NPAS3: variants seen among roughly 807,000 people sequenced by gnomAD.
The protein encoded by NPAS3 is neuronal PAS domain-containing protein 3.
Under a neutral mutation model 73.1 loss-of-function variants are expected in NPAS3, and 14 were observed. The observed-to-expected ratio is 0.19, with a 90% CI of 0.13 to 0.30. NPAS3 has a LOEUF of 0.30. Among genes scored for constraint, NPAS3 ranks in the 10% least tolerant of loss-of-function variants. The probability of loss-of-function intolerance (pLI) is 1.00; values close to 1 mark genes in which losing one functional copy is unlikely to be tolerated. For missense variants in NPAS3, 1,096 were observed against 1,250.0 expected (o/e 0.88, Z 1.86); for synonymous variants, 620 against 541.5 (o/e 1.14, Z -2.01).
intron 1 of NPAS3, among the ~76,000 whole-genome samples, chr14:33,023,572 T>C (rs2039683346): frequency 2.0e-5 from 3 of 152,364 alleles, no homozygotes; most frequent in Middle Eastern, 3.4e-3. Flanking sequence ...ATTGATTCTG[T>C]AGTTTTATAA....
intron 7 of NPAS3, among the ~76,000 whole-genome samples, chr14:33,739,600 A>G (rs1476706217): frequency 6.6e-6 from 1 of 152,214 alleles, no homozygotes; most frequent in Non-Finnish European, 1.5e-5. Context: ...TCTGTGGAAT[A>G]AGGTGCACAT....
In NPAS3 at chr14:33,552,827, C is replaced by T. The variant is rs1290606935; in HGVS notation, c.469-7294C>T. ...TACTTCTGCCAAGGTGGGAATTCCT[C>T]CTCTACCTTGAAAAAGAACTCTGAA... On this transcript the variant is annotated intron_variant, in intron 4 of 11. Transcript: ENST00000356141. Among the ~76,000 whole-genome samples, 10 of 152,128 alleles carry T rather than the reference C, an allele frequency of 6.6e-5. 1 individual carries two copies. Among genetic ancestry groups the T allele is most frequent in the Admixed American group, 5.2e-4 (8 of 15,262 alleles).
chr14:33,289,001 T>C (rs1594607826), intron 3 of NPAS3, among the ~76,000 whole-genome samples: 1 of 152,182 alleles, frequency 6.6e-6, no homozygotes, highest in East Asian at 1.9e-4. Flanking sequence ...TCTTATGAAA[T>C]TAGAATGCCA....
At chr14:33,434,643 C>T (rs1389913076) in intron 4 of NPAS3, among the ~76,000 whole-genome samples, 1 of 152,156 alleles carries the variant, frequency 6.6e-6, no homozygotes, top group Non-Finnish European at 1.5e-5. Flanking sequence ...TTAAAATTCA[C>T]ACTGCAGGAA....
intron 5 of NPAS3, among the ~76,000 whole-genome samples, chr14:33,605,360 A>T (rs767346701): frequency 1.3e-4 from 20 of 151,342 alleles, no homozygotes; most frequent in Non-Finnish European, 2.8e-4. Context: ...CCAGTGCAAT[A>T]AAGCAAGGAG....
At chr14:33,294,430 C>T (rs927878315) in intron 3 of NPAS3, among the ~76,000 whole-genome samples, 1 of 152,128 alleles carries the variant, frequency 6.6e-6, no homozygotes, top group Non-Finnish European at 1.5e-5. Context: ...CTTTGATGCT[C>T]CATTTTTGGT....
At chr14:33,594,852 G>C (rs890523164) in intron 5 of NPAS3, among the ~76,000 whole-genome samples, 1 of 152,096 alleles carries the variant, frequency 6.6e-6, no homozygotes, top group African/African-American at 2.4e-5. Flanking sequence ...TGGTCTGAAG[G>C]CCTCTTCATT....
At chr14:33,264,597 A>G (rs2049102883) in intron 3 of NPAS3, among the ~76,000 whole-genome samples, 1 of 152,126 alleles carries the variant, frequency 6.6e-6, no homozygotes, top group Non-Finnish European at 1.5e-5. Context: ...ATATAATGAG[A>G]AGAGTTAGTG....
At chr14:33,140,224 C>T (rs963563244) in intron 2 of NPAS3, among the ~76,000 whole-genome samples, 1 of 152,008 alleles carries the variant, frequency 6.6e-6, no homozygotes, top group Non-Finnish European at 1.5e-5. Flanking sequence ...ACATAAATAT[C>T]CCACGAAAAT....
chr14:33,426,686 T>G (rs891616059), intron 4 of NPAS3, among the ~76,000 whole-genome samples: 8 of 151,774 alleles, frequency 5.3e-5, no homozygotes, highest in Non-Finnish European at 1.0e-4. Context: ...CAGGGGAGGG[T>G]TAGTCTATGA....
chr14:33,013,754 G>T (rs988154801), intron 1 of NPAS3, among the ~76,000 whole-genome samples: 1 of 152,070 alleles, frequency 6.6e-6, no homozygotes, highest in Non-Finnish European at 1.5e-5. Flanking sequence ...ATTAATGGAT[G>T]TTTAATCTGA....
chr14:33,328,895 G>C (rs994674871), intron 3 of NPAS3, among the ~76,000 whole-genome samples: 1 of 152,066 alleles, frequency 6.6e-6, no homozygotes, highest in Non-Finnish European at 1.5e-5. Context: ...TTAACATAGA[G>C]TTTTTCCAAC....
At chr14:33,378,669 T>C (rs1298183536) in intron 4 of NPAS3, among the ~76,000 whole-genome samples, 2 of 152,142 alleles carry the variant, frequency 1.3e-5, no homozygotes, top group South Asian at 2.1e-4. Context: ...ATAAATTTGG[T>C]GTTTATGTGG....
At chr14:33,390,895 T>C (rs1193032479) in intron 4 of NPAS3, among the ~76,000 whole-genome samples, 2 of 152,320 alleles carry the variant, frequency 1.3e-5, no homozygotes, top group East Asian at 3.9e-4. Flanking sequence ...CTGCCCATGT[T>C]TGATAATTTA....
intron 2 of NPAS3, among the ~76,000 whole-genome samples, chr14:33,068,772 C>T (rs189495833): frequency 4.1e-4 from 62 of 152,238 alleles, no homozygotes; most frequent in Admixed American, 6.5e-4. Context: ...GGGAGTTAGG[C>T]ATTCACATAG....
chr14:33,607,540 A>G (rs1051996875), intron 5 of NPAS3, among the ~76,000 whole-genome samples: 5 of 152,194 alleles, frequency 3.3e-5, no homozygotes, highest in Admixed American at 2.0e-4. Flanking sequence ...CGGTCTTAGA[A>G]AAAGGCATGA....
At chr14:33,125,797 A>T (rs2043405177) in intron 2 of NPAS3, among the ~76,000 whole-genome samples, 1 of 152,188 alleles carries the variant, frequency 6.6e-6, no homozygotes, top group Non-Finnish European at 1.5e-5. Context: ...CATACATGTT[A>T]GGAAAGAGGA....
intron 2 of NPAS3, among the ~76,000 whole-genome samples, chr14:33,108,382 C>T (rs779875790): frequency 6.6e-6 from 1 of 151,850 alleles, no homozygotes; most frequent in Non-Finnish European, 1.5e-5. Flanking sequence ...TTAGTAGAAA[C>T]GAGGTTTCAC....
chr14:33,118,212 G>A (rs1047729261), intron 2 of NPAS3, among the ~76,000 whole-genome samples: 10 of 151,276 alleles, frequency 6.6e-5, no homozygotes, highest in Non-Finnish European at 1.2e-4. Context: ...ATATAATATT[G>A]CAATATTATC....
Sources: gnomAD v4.1 joint callset for allele counts (sites outside exome capture counted in the v4.1 genomes callset) on GRCh38, gnomAD v4.1.1 for gene constraint, MANE v1.5 for transcripts, NCBI Gene and HGNC (gene_info 2026-07-23, HGNC 2026-07-21) for gene names.